Variants in DCDC1 observed in about 807,000 individuals in gnomAD.
DCDC1 encodes doublecortin domain-containing protein 1.
In DCDC1, 200 loss-of-function variants were observed where a neutral mutation model predicts 178.3. The ratio of observed to expected loss-of-function variants is 1.12; its 90% CI spans 1.00 to 1.26. The LOEUF (loss-of-function observed/expected upper bound fraction) is 1.26, where lower values mean the gene tolerates loss of function less well. DCDC1 is among the 50% of genes most tolerant of loss of function. DCDC1 has a pLI of 0.00. For synonymous variants in DCDC1, 690 were observed against 604.8 expected (o/e 1.14, Z -2.07); for missense variants, 1,983 against 1,749.2 (o/e 1.13, Z -2.38).
intron 20 of DCDC1, among the ~76,000 whole-genome samples, chr11:31,054,345 C>T (rs1395210547): frequency 6.6e-6 from 1 of 151,606 alleles, no homozygotes; most frequent in Non-Finnish European, 1.5e-5. Context: ...ATAGATGACA[C>T]AAACAAATGG....
intron 17 of DCDC1, among the ~76,000 whole-genome samples, chr11:31,087,428 G>A (rs1434502172): frequency 6.6e-6 from 1 of 151,902 alleles, no homozygotes; most frequent in Admixed American, 6.6e-5. Flanking sequence ...TCTTAGAGTG[G>A]AAGCTGAAGT....
At chr11:31,231,857 A>G (rs1238210970) in intron 9 of DCDC1, among the ~76,000 whole-genome samples, 2 of 152,238 alleles carry the variant, frequency 1.3e-5, no homozygotes, top group African/African-American at 4.8e-5. Flanking sequence ...TAAGATTTAA[A>G]CAAAATAAGG....
chr11:31,273,923 CT>C (rs1342460202), intron 7 of DCDC1, among the ~76,000 whole-genome samples: 1 of 152,086 alleles, frequency 6.6e-6, no homozygotes, highest in East Asian at 1.9e-4. Context: ...AGGGAAACTC[CT>C]CCTTATAAAA....
At chr11:30,979,768 G>A (rs1034064525) in intron 20 of DCDC1, among the ~76,000 whole-genome samples, 1 of 152,178 alleles carries the variant, frequency 6.6e-6, no homozygotes, top group Non-Finnish European at 1.5e-5. Flanking sequence ...AGTTTGAACA[G>A]TAATTTTAAT....
chr11:31,280,508 C>G (rs1380731288), intron 7 of DCDC1, among the ~76,000 whole-genome samples: 1 of 152,138 alleles, frequency 6.6e-6, no homozygotes, highest in Non-Finnish European at 1.5e-5. Context: ...ATTCATTTAA[C>G]CAGAAGCTAG....
intron 9 of DCDC1, among the ~76,000 whole-genome samples, chr11:31,153,819 A>ACACACACACACACACACACAC: frequency 2.2e-5 from 1 of 45,786 alleles, no homozygotes; most frequent in East Asian, 1.5e-3. Flanking sequence ...CACACACACA[A>ACACACACACACACACACACAC]TTACCATAAC....
At chr11:31,123,484 G>T (rs758300315) in intron 11 of DCDC1, among the ~76,000 whole-genome samples, 2 of 151,850 alleles carry the variant, frequency 1.3e-5, no homozygotes, top group African/African-American at 4.8e-5. Flanking sequence ...GCTGGTAGAA[G>T]TTAGTCTTAG....
intron 20 of DCDC1, among the ~76,000 whole-genome samples, chr11:31,062,561 G>A (rs1399465150): frequency 3.9e-5 from 6 of 151,998 alleles, no homozygotes; most frequent in Non-Finnish European, 7.4e-5. Context: ...TTTCTGTACC[G>A]TTCTGACACC....
chr11:31,186,785 T>C (rs1969552350), intron 9 of DCDC1, among the ~76,000 whole-genome samples: 1 of 152,192 alleles, frequency 6.6e-6, no homozygotes, highest in South Asian at 2.1e-4. Context: ...CACCCTTCCA[T>C]GCCATTCTGA....
At chr11:31,201,396 A>C (rs563315561) in intron 9 of DCDC1, among the ~76,000 whole-genome samples, 1 of 152,062 alleles carries the variant, frequency 6.6e-6, no homozygotes, top group African/African-American at 2.4e-5. Context: ...TATTCATACT[A>C]AAATATAGCT....
At chr11:31,326,546 AT>A (rs199802716) in intron 3 of DCDC1, among the ~76,000 whole-genome samples, 1,651 of 152,262 alleles carry the variant, frequency 0.011, 17 homozygotes, top group Non-Finnish European at 0.015. Flanking sequence ...CTATTTAGAA[AT>A]TTTTTTATAA....
chr11:31,297,369 A>AT (rs919348542), intron 6 of DCDC1, among the ~76,000 whole-genome samples: 10 of 150,386 alleles, frequency 6.6e-5, no homozygotes, highest in South Asian at 2.1e-4. Context: ...TTTTTTTTTA[A>AT]TTTTTTTTGA....
chr11:31,270,762 C>G (rs1407554580), intron 7 of DCDC1, among the ~76,000 whole-genome samples: 1 of 152,184 alleles, frequency 6.6e-6, no homozygotes, highest in Non-Finnish European at 1.5e-5. Flanking sequence ...AGCGCTGTCC[C>G]CAACACCCAG....
intron 10 of DCDC1, among the ~76,000 whole-genome samples, chr11:31,133,467 C>T (rs1223897346): frequency 6.6e-6 from 1 of 152,108 alleles, no homozygotes; most frequent in Non-Finnish European, 1.5e-5. Flanking sequence ...TTTTAAACTG[C>T]CTAAAATCTC....
intron 34 of DCDC1, among the ~76,000 whole-genome samples, chr11:30,894,778 C>T (rs909997499): frequency 2.0e-5 from 3 of 152,142 alleles, no homozygotes; most frequent in Non-Finnish European, 4.4e-5. Context: ...ATAAGCCTTT[C>T]CCCCACAATT....
intron 32 of DCDC1, 61 bp downstream of exon 32, chr11:30,903,421 T>G (rs2134125542): frequency 7.3e-7 from 1 of 1,370,070 alleles, no homozygotes; most frequent in Admixed American, 3.0e-5. Context: ...AATAATCATG[T>G]TTAACGTTTT....
chr11:31,342,901 C>T (rs1950618873), intron 1 of DCDC1, among the ~76,000 whole-genome samples: 1 of 152,088 alleles, frequency 6.6e-6, no homozygotes, highest in Non-Finnish European at 1.5e-5. Flanking sequence ...CAATTATAAT[C>T]CTAACTTTCA....
chr11:31,239,820 T>G (rs186001369), intron 9 of DCDC1, among the ~76,000 whole-genome samples: 2 of 151,990 alleles, frequency 1.3e-5, no homozygotes, highest in Admixed American at 6.6e-5. Context: ...TCATAAAGAA[T>G]TTTTTAATGA....
chr11:31,137,455 T>A (rs1963284990), intron 10 of DCDC1, among the ~76,000 whole-genome samples: 1 of 151,886 alleles, frequency 6.6e-6, no homozygotes, highest in Admixed American at 6.6e-5. Context: ...GTTCAAGCGA[T>A]TCTCCTGCCT....
Sources: allele counts gnomAD v4.1 joint callset (sites outside exome capture counted in the v4.1 genomes callset), GRCh38; gene constraint gnomAD v4.1.1; transcripts MANE v1.5; gene names NCBI Gene and HGNC (gene_info 2026-07-23, HGNC 2026-07-21).